THSD7B: variants seen among roughly 807,000 people sequenced by gnomAD.
The protein encoded by THSD7B is thrombospondin type-1 domain-containing protein 7B.
In THSD7B, 138 loss-of-function variants were observed where a neutral mutation model predicts 213.6. The observed-to-expected ratio is 0.65, with a 90% CI of 0.56 to 0.74. The LOEUF (loss-of-function observed/expected upper bound fraction) is 0.74. Ranked by LOEUF, THSD7B falls within the 30% of genes least tolerant of loss-of-function variation. THSD7B has a pLI of 0.00. For missense variants in THSD7B, 1,931 were observed against 1,991.5 expected, an observed-to-expected ratio of 0.97 and a Z score of 0.58; for synonymous variants, 742 against 687.0, an observed-to-expected ratio of 1.08 and a Z score of -1.25.
At chr2:137,481,426 T>C (rs1688304703) in intron 15 of THSD7B, among the ~76,000 whole-genome samples, 1 of 152,206 alleles carries the variant, frequency 6.6e-6, no homozygotes, top group Non-Finnish European at 1.5e-5. Flanking sequence ...ACTTTCCAGA[T>C]TGAATTATTA....
In THSD7B at chr2:136,809,630, C is replaced by T. The variant is rs141498067; in HGVS notation, c.-36+43943C>T. Among the ~76,000 whole-genome samples the T allele has an allele frequency of 9.5e-4, 144 of 152,312 alleles. No homozygotes were observed. The East Asian group carries it at 0.024, about 25-fold the overall frequency. On this transcript the variant is annotated intron_variant, in intron 1 of 27. Coordinates refer to ENST00000409968, the MANE Select transcript of THSD7B (RefSeq NM_001316349.2). ...CACAGAGGAACAACAAAGTTAGACA[C>T]TCTGGCCGGTTTTTATTCTGAATGA... is the stretch of plus-strand genomic sequence containing the variant.
intron 5 of THSD7B, among the ~76,000 whole-genome samples, chr2:137,130,637 T>A (rs1189821671): frequency 6.0e-5 from 9 of 151,036 alleles, no homozygotes; most frequent in Admixed American, 4.6e-4. Context: ...TGTTTGGTTT[T>A]TTGTCCTTGA....
chr2:137,154,416 C>T (rs533272988), intron 5 of THSD7B, among the ~76,000 whole-genome samples: 1 of 152,102 alleles, frequency 6.6e-6, no homozygotes, highest in South Asian at 2.1e-4. Context: ...AACAAGAAAG[C>T]GCCAATGACT....
chr2:137,493,759 C>CCTAT (rs933256947), intron 15 of THSD7B, among the ~76,000 whole-genome samples: 10 of 152,212 alleles, frequency 6.6e-5, no homozygotes, highest in East Asian at 5.8e-4. Flanking sequence ...ATCCCCTGCT[C>CCTAT]CTATTTTCTT....
chr2:136,876,876 A>T (rs1036206626), intron 1 of THSD7B, among the ~76,000 whole-genome samples: 1 of 152,122 alleles, frequency 6.6e-6, no homozygotes, highest in African/African-American at 2.4e-5. Flanking sequence ...GGGTAAACAC[A>T]TGTGTTTGTG....
chr2:137,384,463 C>T (rs189546891), intron 12 of THSD7B, among the ~76,000 whole-genome samples: 1 of 152,122 alleles, frequency 6.6e-6, no homozygotes, highest in Non-Finnish European at 1.5e-5. Context: ...GATTAAAATT[C>T]TCCTCTTTCT....
intron 3 of THSD7B, among the ~76,000 whole-genome samples, chr2:137,079,159 A>G (rs989749150): frequency 7.9e-5 from 12 of 152,210 alleles, no homozygotes; most frequent in African/African-American, 2.9e-4. Flanking sequence ...TCTCAAAAAA[A>G]TAAATCTGTA....
intron 15 of THSD7B, among the ~76,000 whole-genome samples, chr2:137,555,124 A>G (rs188933379): frequency 4.6e-5 from 7 of 152,362 alleles, no homozygotes; most frequent in African/African-American, 1.7e-4. Context: ...GGGGCAGGGC[A>G]TAGCCCAACA....
intron 20 of THSD7B, chr2:137,642,199 T>G: frequency 3.6e-6 from 1 of 275,570 alleles, no homozygotes. Context: ...GAATTGACAG[T>G]CTACCAATGT....
At chr2:136,919,772 T>G (rs925708484) in intron 2 of THSD7B, among the ~76,000 whole-genome samples, 10 of 152,124 alleles carry the variant, frequency 6.6e-5, no homozygotes, top group African/African-American at 2.4e-4. Flanking sequence ...GTGAGCCAGG[T>G]GCAGAGGGGC....
At chr2:137,005,584 T>C (rs1558884148) in intron 2 of THSD7B, among the ~76,000 whole-genome samples, 1 of 152,250 alleles carries the variant, frequency 6.6e-6, no homozygotes, top group Non-Finnish European at 1.5e-5. Flanking sequence ...TTGGCTACTC[T>C]GTCATAATTA....
At chr2:137,156,481 C>G (rs1679911377) in intron 5 of THSD7B, among the ~76,000 whole-genome samples, 1 of 152,196 alleles carries the variant, frequency 6.6e-6, no homozygotes, top group African/African-American at 2.4e-5. Context: ...AAATCCCTCC[C>G]TGTTCTTTTC....
At chr2:137,079,851 G>C (rs986215286) in intron 3 of THSD7B, among the ~76,000 whole-genome samples, 3 of 151,902 alleles carry the variant, frequency 2.0e-5, no homozygotes, top group Non-Finnish European at 2.9e-5. Context: ...TTGTTTGTTT[G>C]TGTTCTGGGA....
chr2:137,657,536 T>C (rs934686522), intron 24 of THSD7B, among the ~76,000 whole-genome samples: 2 of 152,120 alleles, frequency 1.3e-5, no homozygotes, highest in African/African-American at 4.8e-5. Context: ...TAAAACATAC[T>C]CAGAAGTTGA....
chr2:137,268,476 A>G (rs971049800), intron 10 of THSD7B, among the ~76,000 whole-genome samples: 3 of 152,072 alleles, frequency 2.0e-5, no homozygotes, highest in Non-Finnish European at 2.9e-5. Flanking sequence ...TTATTTCTTG[A>G]TGATATGCTC....
rs368873760 is a variant in THSD7B, at chr2:137,647,625, G to A, written c.3945+4992G>A. On this transcript the variant is annotated intron_variant, in intron 21 of 27. Coordinates refer to ENST00000409968, the MANE Select transcript of THSD7B (RefSeq NM_001316349.2). ...CTGAGTAACACAACTTGGAAGTACA[G>A]AGGAGTTAAGACTTCCTAAAATGAC... is the stretch of plus-strand genomic sequence containing the variant. Among the ~76,000 whole-genome samples the A allele has an allele frequency of 7.9e-5, 12 of 152,220 alleles. No homozygotes were observed. In the South Asian group the frequency reaches 8.3e-4, roughly 11 times the overall value.
At chr2:136,883,611 T>TA (rs1333240987) in intron 2 of THSD7B, among the ~76,000 whole-genome samples, 1 of 152,178 alleles carries the variant, frequency 6.6e-6, no homozygotes, top group Non-Finnish European at 1.5e-5. Context: ...TCGAAAGTTT[T>TA]AAAAAATATA....
chr2:136,920,978 T>C (rs530147), intron 2 of THSD7B, among the ~76,000 whole-genome samples: 4 of 152,110 alleles, frequency 2.6e-5, no homozygotes, highest in African/African-American at 4.8e-5. Context: ...CTGCAGGGGT[T>C]GGGGGCTTCC....
At chr2:137,647,074 C>T (rs1683046793) in intron 21 of THSD7B, among the ~76,000 whole-genome samples, 1 of 152,148 alleles carries the variant, frequency 6.6e-6, no homozygotes, top group South Asian at 2.1e-4. Context: ...CAGCTGCTGT[C>T]ACTGTACCCT....
Sources: gnomAD v4.1 joint callset for allele counts (sites outside exome capture counted in the v4.1 genomes callset) on GRCh38, gnomAD v4.1.1 for gene constraint, MANE v1.5 for transcripts, NCBI Gene and HGNC (gene_info 2026-07-23, HGNC 2026-07-21) for gene names.